Variants in PAK2 observed in about 807,000 individuals in gnomAD.
PAK2 encodes the protein p21 (RAC1) activated kinase 2.
Under a neutral mutation model 65.9 loss-of-function variants are expected in PAK2, and 21 were observed. The observed-to-expected ratio is 0.32, with a 90% CI of 0.23 to 0.46. PAK2 has a LOEUF of 0.46. Ranked by LOEUF, PAK2 falls within the 20% of genes least tolerant of loss-of-function variation. The pLI, the probability that PAK2 is intolerant of heterozygous loss-of-function variation, is 1.00. For missense variants in PAK2, 324 were observed against 642.6 expected, an observed-to-expected ratio of 0.50 and a Z score of 5.36; for synonymous variants, 204 against 219.7, an observed-to-expected ratio of 0.93 and a Z score of 0.63.
At chr3:196,742,028 A>G (rs1004965039) in intron 1 of PAK2, among the ~76,000 whole-genome samples, 2 of 152,180 alleles carry the variant, frequency 1.3e-5, no homozygotes, top group Admixed American at 6.5e-5. Flanking sequence ...GTTCGAGTAT[A>G]CAGGCGATAG....
chr3:196,753,934 G>T (rs888194283), intron 1 of PAK2, among the ~76,000 whole-genome samples: 1 of 151,956 alleles, frequency 6.6e-6, no homozygotes, highest in African/African-American at 2.4e-5. Context: ...TGTTTCAATT[G>T]TTCTGTTTCC....
chr3:196,775,348 A>G (rs534937717), intron 1 of PAK2, among the ~76,000 whole-genome samples: 3 of 152,264 alleles, frequency 2.0e-5, no homozygotes, highest in Admixed American at 1.3e-4. Flanking sequence ...AAGTTACTGC[A>G]TAGTATACTA....
At chr3:196,808,244 G>A (rs1455908489) in intron 7 of PAK2, among the ~76,000 whole-genome samples, 3 of 152,066 alleles carry the variant, frequency 2.0e-5, no homozygotes, top group Non-Finnish European at 4.4e-5. Context: ...TTGAACCCAG[G>A]AGGTGGAGGT....
intron 7 of PAK2, among the ~76,000 whole-genome samples, chr3:196,808,951 T>TA (rs58008108): frequency 0.18 from 27,341 of 151,646 alleles, 2,715 homozygotes; most frequent in East Asian, 0.31. Context: ...GTTTTAAACA[T>TA]AAAGCCTGGG....
intron 1 of PAK2, among the ~76,000 whole-genome samples, chr3:196,741,593 C>T (rs1713194676): frequency 6.6e-6 from 1 of 152,200 alleles, no homozygotes; most frequent in Non-Finnish European, 1.5e-5. Flanking sequence ...AACCAACTTT[C>T]CGATTTGGTA....
chr3:196,782,260 T>C (rs894844870), intron 1 of PAK2, among the ~76,000 whole-genome samples: 3 of 150,680 alleles, frequency 2.0e-5, no homozygotes, highest in African/African-American at 7.4e-5. Flanking sequence ...AGATATCCTA[T>C]AATTTGCTGG....
At chr3:196,751,699 C>T (rs751973898) in intron 1 of PAK2, among the ~76,000 whole-genome samples, 26,755 of 77,408 alleles carry the variant, frequency 0.35, 7,265 homozygotes, top group Non-Finnish European at 0.38. Flanking sequence ...ATATATAATT[C>T]AGGCTATATA....
chr3:196,771,035 A>G (rs78292468), intron 1 of PAK2, among the ~76,000 whole-genome samples: 11,388 of 151,916 alleles, frequency 0.075, 885 homozygotes, highest in African/African-American at 0.18. Context: ...ATTTCTAAAC[A>G]TGTATTTCTT....
chr3:196,801,664 C>A, intron 2 of PAK2, among the ~76,000 whole-genome samples: 1 of 151,600 alleles, frequency 6.6e-6, no homozygotes, highest in East Asian at 1.9e-4. Flanking sequence ...GAAACCCTGT[C>A]TCTACTAAAA....
chr3:196,778,287 T>TC (rs1714600136), intron 1 of PAK2, among the ~76,000 whole-genome samples: 1 of 152,256 alleles, frequency 6.6e-6, no homozygotes, highest in South Asian at 2.1e-4. Context: ...GTGTATCCGT[T>TC]CATCAGTTGA....
At chr3:196,746,196 G>T (rs993691420) in intron 1 of PAK2, among the ~76,000 whole-genome samples, 1 of 152,056 alleles carries the variant, frequency 6.6e-6, no homozygotes, top group Non-Finnish European at 1.5e-5. Flanking sequence ...ACGTGTCGTT[G>T]TCTTGAAATG....
chr3:196,804,722 G>A (rs1715526461), intron 4 of PAK2, among the ~76,000 whole-genome samples: 1 of 151,874 alleles, frequency 6.6e-6, no homozygotes, highest in Non-Finnish European at 1.5e-5. Flanking sequence ...CTGTCTCTCG[G>A]CCTCCCAAAG....
chr3:196,753,476 G>C (rs1392369779), intron 1 of PAK2, among the ~76,000 whole-genome samples: 2 of 152,012 alleles, frequency 1.3e-5, no homozygotes, highest in Non-Finnish European at 2.9e-5. Flanking sequence ...TTGCAGGTGA[G>C]AGCCACCACA....
intron 2 of PAK2, among the ~76,000 whole-genome samples, chr3:196,797,088 A>G (rs183779018): frequency 6.6e-6 from 1 of 152,314 alleles, no homozygotes; most frequent in Admixed American, 6.5e-5. Context: ...ACTTGACCTA[A>G]TAGACGTTTA....
chr3:196,773,364 C>T lies in PAK2; in HGVS notation c.-21-9262C>T, dbSNP rs575410928. ...TATACCTAATATTGTTTTTGGCTAA[C>T]ATATAAGATGAACATAAGGAACCTT... On this transcript the variant is annotated intron_variant, in intron 1 of 14. Coordinates refer to ENST00000327134, the MANE Select transcript of PAK2 (RefSeq NM_002577.4). 1.6e-3 allele frequency among the ~76,000 whole-genome samples: 245 copies of T among 152,152 alleles called. 1 individual carries two copies. Among genetic ancestry groups the T allele is most frequent in the Middle Eastern group, 3.4e-3 (1 of 294 alleles).
chr3:196,807,405 ATAGT>A (rs1024659751), intron 6 of PAK2, among the ~76,000 whole-genome samples: 2 of 152,196 alleles, frequency 1.3e-5, no homozygotes, highest in Non-Finnish European at 2.9e-5. Context: ...GGAATTAATA[ATAGT>A]TATTTCAACA....
intron 2 of PAK2, among the ~76,000 whole-genome samples, chr3:196,793,484 C>T (rs1355482082): frequency 2.0e-5 from 3 of 152,158 alleles, no homozygotes; most frequent in Non-Finnish European, 4.4e-5. Flanking sequence ...GTTGGCTTAA[C>T]TCCCAGTTAG....
intron 11 of PAK2, among the ~76,000 whole-genome samples, chr3:196,817,454 G>A (rs913374862): frequency 2.6e-5 from 4 of 152,014 alleles, no homozygotes; most frequent in African/African-American, 4.8e-5. Context: ...AGGTTCAAGC[G>A]ATTCTGCTAT....
chr3:196,744,740 A>G (rs1016223952), intron 1 of PAK2, among the ~76,000 whole-genome samples: 21 of 152,138 alleles, frequency 1.4e-4, no homozygotes, highest in Admixed American at 3.9e-4. Flanking sequence ...TGGCACCTCT[A>G]CTTTTTAAGT....
Sources: gnomAD v4.1 joint callset for allele counts (sites outside exome capture counted in the v4.1 genomes callset) on GRCh38, gnomAD v4.1.1 for gene constraint, MANE v1.5 for transcripts, NCBI Gene and HGNC (gene_info 2026-07-23, HGNC 2026-07-21) for gene names.